Variants in AGMO observed in about 807,000 individuals in gnomAD.
The protein encoded by AGMO is glyceryl-ether monooxygenase.
In AGMO, 75 loss-of-function variants were observed where a neutral mutation model predicts 60.2. That is an observed-to-expected ratio of 1.25 (90% CI 1.03 to 1.51). The LOEUF is 1.51. AGMO is among the 40% of genes most tolerant of loss of function. AGMO has a pLI of 0.00. For synonymous variants in AGMO, 261 were observed against 177.1 expected, an observed-to-expected ratio of 1.47 and a Z score of -3.76; for missense variants, 763 against 525.5, an observed-to-expected ratio of 1.45 and a Z score of -4.42.
chr7:15,254,977 GTCAA>G lies in AGMO; in HGVS notation c.1264-53622_1264-53619del, dbSNP rs1295522580. ...AAATATTGAAGCAGTAATAAAAAGTGTCAATCAAAGAAAAGCCCATCACATATAC... is the reference window on the plus strand; with the variant it reads ...AAATATTGAAGCAGTAATAAAAAGTGTCAAAGAAAAGCCCATCACATATAC... On this transcript the variant is annotated intron_variant, in intron 12 of 12. Coordinates refer to ENST00000342526, the MANE Select transcript of AGMO (RefSeq NM_001004320.2). Among the ~76,000 whole-genome samples, 5 of 152,206 alleles carry G rather than the reference GTCAA, an allele frequency of 3.3e-5. No individual in the cohort carries two copies. In the South Asian group the frequency reaches 6.2e-4, roughly 19 times the overall value.
the AGMO span, among the ~76,000 whole-genome samples, chr7:15,134,766 G>A: frequency 1.3e-5 from 2 of 151,902 alleles, no homozygotes; most frequent in African/African-American, 4.8e-5. Context: ...GGGTTTTTGA[G>A]GAAGGAAGGG....
the AGMO span, among the ~76,000 whole-genome samples, chr7:15,153,186 T>G: frequency 3.6e-4 from 3 of 8,436 alleles, no homozygotes; most frequent in East Asian, 0.5. Flanking sequence ...ATAGGATTGT[T>G]TTTTTTTTTC....
At chr7:15,557,588 G>T (rs980272558) in intron 2 of AGMO, among the ~76,000 whole-genome samples, 1 of 150,992 alleles carries the variant, frequency 6.6e-6, no homozygotes, top group Admixed American at 6.6e-5. Context: ...TTTATATCTG[G>T]GTTTGGGATT....
At chr7:15,161,782 G>T in the AGMO span, among the ~76,000 whole-genome samples, 2 of 151,826 alleles carry the variant, frequency 1.3e-5, no homozygotes, top group Non-Finnish European at 1.5e-5. Flanking sequence ...TGTTTCTCTG[G>T]AGAACCCTGA....
At chr7:15,551,893 G>A (rs1436523494) in intron 2 of AGMO, among the ~76,000 whole-genome samples, 1 of 151,994 alleles carries the variant, frequency 6.6e-6, no homozygotes, top group Non-Finnish European at 1.5e-5. Flanking sequence ...CAAAGCTGGA[G>A]GCATCACACT....
chr7:15,350,659 C>A (rs938185499), intron 12 of AGMO, among the ~76,000 whole-genome samples: 3 of 152,036 alleles, frequency 2.0e-5, no homozygotes, highest in African/African-American at 7.2e-5. Flanking sequence ...TAGATCTGAA[C>A]GCATTTAGGG....
intron 12 of AGMO, among the ~76,000 whole-genome samples, chr7:15,356,888 ACC>A (rs1782552035): frequency 1.3e-5 from 2 of 149,728 alleles, no homozygotes; most frequent in Non-Finnish European, 3.0e-5. Flanking sequence ...CAGGCAGGTC[ACC>A]TGAAGTCAGG....
Position 15,200,784 on chromosome 7 carries a change from C to T in AGMO, c.*501G>A, listed in dbSNP as rs766511411. 4.6e-5 allele frequency: 7 copies of T among 152,780 alleles called. No individual in the cohort carries two copies. Among genetic ancestry groups the T allele is most frequent in the Non-Finnish European group, 7.3e-5 (5 of 68,572 alleles). 9.5% of individuals were successfully genotyped at this position (152,780 alleles called of 1,614,324 possible). ...CTGGGATTACAGGGGTGAGCCACCGCGCCTGGCCTCAGTGATGTCTTTTTC... is the reference window on the plus strand; with the variant it reads ...CTGGGATTACAGGGGTGAGCCACCGTGCCTGGCCTCAGTGATGTCTTTTTC... On this transcript the variant is annotated 3_prime_UTR_variant, in exon 13 of 13. Transcript: ENST00000342526.
intron 3 of AGMO, among the ~76,000 whole-genome samples, chr7:15,434,549 A>G (rs1781345631): frequency 6.6e-6 from 1 of 152,120 alleles, no homozygotes; most frequent in South Asian, 2.1e-4. Flanking sequence ...GGGAAGTGGG[A>G]TAACCAGCCA....
chr7:15,232,674 A>G (rs1464924334), intron 12 of AGMO, among the ~76,000 whole-genome samples: 1 of 152,174 alleles, frequency 6.6e-6, no homozygotes, highest in Non-Finnish European at 1.5e-5. Context: ...GCCAATGAGT[A>G]GAATACGAAT....
chr7:15,148,536 A>C, the AGMO span, among the ~76,000 whole-genome samples: 1 of 151,802 alleles, frequency 6.6e-6, no homozygotes, highest in African/African-American at 2.4e-5. Context: ...CTTTATGTTC[A>C]TGTGTACTCA....
intron 12 of AGMO, among the ~76,000 whole-genome samples, chr7:15,340,719 A>T (rs938491746): frequency 6.6e-6 from 1 of 152,156 alleles, no homozygotes; most frequent in Non-Finnish European, 1.5e-5. Flanking sequence ...ATTTCAGAGG[A>T]TATATAAAAA....
chr7:15,139,366 T>C, the AGMO span, among the ~76,000 whole-genome samples: 1 of 152,186 alleles, frequency 6.6e-6, no homozygotes, highest in South Asian at 2.1e-4. Flanking sequence ...ATTCTTTCTT[T>C]AACTTTTATC....
At chr7:15,184,786 AAGGAAGGGAGGAAGAGAGGGAGGG>A in the AGMO span, among the ~76,000 whole-genome samples, 3 of 145,320 alleles carry the variant, frequency 2.1e-5, no homozygotes, top group Admixed American at 6.8e-5. Flanking sequence ...GGAAGGATGG[AAGGAAGGGAGGAAGAGAGGGAGGG>A]AGGAAGGGAA....
At chr7:15,349,443 A>C (rs1782152089) in intron 12 of AGMO, among the ~76,000 whole-genome samples, 1 of 152,086 alleles carries the variant, frequency 6.6e-6, no homozygotes, top group South Asian at 2.1e-4. Context: ...GATTACATGC[A>C]GACACAGTTA....
intron 12 of AGMO, among the ~76,000 whole-genome samples, chr7:15,335,265 T>C (rs1583420914): frequency 1.3e-5 from 2 of 150,402 alleles, no homozygotes; most frequent in East Asian, 1.9e-4. Context: ...TGTTAATGAA[T>C]AGGAAGTTTT....
At chr7:15,127,178 G>A in the AGMO span, among the ~76,000 whole-genome samples, 38 of 152,032 alleles carry the variant, frequency 2.5e-4, no homozygotes, top group South Asian at 1.7e-3. Context: ...TGACCACCTC[G>A]GGCACATGTT....
At chr7:15,517,890 C>T (rs1205736242) in intron 3 of AGMO, among the ~76,000 whole-genome samples, 2 of 152,116 alleles carry the variant, frequency 1.3e-5, no homozygotes, top group African/African-American at 4.8e-5. Flanking sequence ...GGATCCCACC[C>T]CCATGGAGCC....
At chr7:15,406,460 C>T (rs1349332954) in intron 5 of AGMO, among the ~76,000 whole-genome samples, 2 of 123,944 alleles carry the variant, frequency 1.6e-5, no homozygotes, top group Non-Finnish European at 1.7e-5. Flanking sequence ...TATATACCCA[C>T]GTATACACAT....
Sources: allele counts gnomAD v4.1 joint callset (sites outside exome capture counted in the v4.1 genomes callset), GRCh38; gene constraint gnomAD v4.1.1; transcripts MANE v1.5; gene names NCBI Gene and HGNC (gene_info 2026-07-23, HGNC 2026-07-21).